Variants in PLEKHA6 observed in about 807,000 individuals in gnomAD.
The protein encoded by PLEKHA6 is pleckstrin homology domain containing A6.
PLEKHA6 carries 60 observed loss-of-function variants against 116.7 expected under a neutral mutation model. The observed-to-expected ratio is 0.51, with a 90% CI of 0.42 to 0.64. The LOEUF is 0.64. Ranked by LOEUF, PLEKHA6 falls within the 30% of genes least tolerant of loss-of-function variation. The pLI, the probability that PLEKHA6 is intolerant of heterozygous loss-of-function variation, is 0.00. For synonymous variants in PLEKHA6, 489 were observed against 556.1 expected (o/e 0.88, Z 1.70); for missense variants, 1,338 against 1,422.7 (o/e 0.94, Z 0.96).
rs186414997 is a variant in PLEKHA6, at chr1:204,305,031, T to C, written c.-94-30222A>G. On this transcript the variant is annotated intron_variant, in intron 1 of 22. Coordinates refer to ENST00000272203, the MANE Select transcript of PLEKHA6 (RefSeq NM_014935.5). ...GCCTGTTCAAATAATTCAGGGACAA[T>C]AGAGAAGAAGGCAATCTACTCCAAG... 3.3e-5 allele frequency among the ~76,000 whole-genome samples: 5 copies of C among 152,226 alleles called. No individual in the cohort carries two copies. The East Asian group carries it at 9.6e-4, about 29-fold the overall frequency.
intron 21 of PLEKHA6, among the ~76,000 whole-genome samples, chr1:204,225,673 T>C (rs1013306540): frequency 3.3e-5 from 5 of 152,236 alleles, no homozygotes; most frequent in African/African-American, 1.2e-4. Context: ...CTCACATACA[T>C]GTACATTTAT....
At chr1:204,252,616 T>G (rs1315737953) in intron 9 of PLEKHA6, among the ~76,000 whole-genome samples, 1 of 152,212 alleles carries the variant, frequency 6.6e-6, no homozygotes, top group Non-Finnish European at 1.5e-5. Context: ...CTGGGGTTTC[T>G]GTTCAGAGGG....
At chr1:204,305,909 C>T (rs1671253555) in intron 1 of PLEKHA6, among the ~76,000 whole-genome samples, 1 of 152,178 alleles carries the variant, frequency 6.6e-6, no homozygotes, top group Non-Finnish European at 1.5e-5. Context: ...TTTGCCCATC[C>T]CGCATCACCT....
At chr1:204,310,071 A>C (rs1572161321) in intron 1 of PLEKHA6, among the ~76,000 whole-genome samples, 2 of 152,018 alleles carry the variant, frequency 1.3e-5, no homozygotes, top group Admixed American at 1.3e-4. Context: ...TTCTTAGCTT[A>C]AGGGTCACGC....
intron 1 of PLEKHA6, among the ~76,000 whole-genome samples, chr1:204,324,938 G>A (rs2103243356): frequency 6.6e-6 from 1 of 152,128 alleles, no homozygotes; most frequent in Non-Finnish European, 1.5e-5. Context: ...TTATTTTTGA[G>A]ATGGGGTCTC....
At chr1:204,300,299 G>A (rs993348011) in intron 1 of PLEKHA6, among the ~76,000 whole-genome samples, 3 of 152,134 alleles carry the variant, frequency 2.0e-5, no homozygotes, top group African/African-American at 7.2e-5. Context: ...TCTCAAGACA[G>A]GTCCCCACTC....
intron 9 of PLEKHA6, among the ~76,000 whole-genome samples, chr1:204,256,164 G>C (rs1665258785): frequency 6.6e-6 from 1 of 152,122 alleles, no homozygotes; most frequent in South Asian, 2.1e-4. Context: ...TCCTGGTACT[G>C]TTATGGAAAT....
At chr1:204,297,938 C>T in intron 1 of PLEKHA6, 1 of 979,980 alleles carries the variant, frequency 1.0e-6, no homozygotes, top group South Asian at 4.7e-5. Context: ...TGTCCTCCCC[C>T]TACTCCTCAT....
At chr1:204,234,464 C>G (rs888778289) in intron 17 of PLEKHA6, among the ~76,000 whole-genome samples, 3 of 152,194 alleles carry the variant, frequency 2.0e-5, no homozygotes, top group Non-Finnish European at 2.9e-5. Flanking sequence ...TACCTTGGAT[C>G]AGCACATTTG....
chr1:204,325,899 G>T, intron 1 of PLEKHA6: 1 of 985,028 alleles, frequency 1.0e-6, no homozygotes, highest in East Asian at 1.1e-4. Flanking sequence ...CCATTTCCAG[G>T]CTGCCAAAGC....
chr1:204,270,793 G>A (rs1667365917), intron 3 of PLEKHA6, among the ~76,000 whole-genome samples: 2 of 152,234 alleles, frequency 1.3e-5, no homozygotes, highest in South Asian at 2.1e-4. Flanking sequence ...CAGAGGACAG[G>A]TTTGTGAGAT....
intron 1 of PLEKHA6, among the ~76,000 whole-genome samples, chr1:204,371,842 A>G (rs574105206): frequency 4.6e-4 from 70 of 152,354 alleles, no homozygotes; most frequent in Non-Finnish European, 7.9e-4. Flanking sequence ...TCCCACTGGG[A>G]AACAAATGCA....
chr1:204,307,965 T>C (rs1022313473), intron 1 of PLEKHA6: 1 of 854,848 alleles, frequency 1.2e-6, no homozygotes, highest in Non-Finnish European at 1.4e-6. Flanking sequence ...TTAGGGAATA[T>C]TCTCCTAAGG....
intron 3 of PLEKHA6, among the ~76,000 whole-genome samples, chr1:204,365,749 T>C (rs929876198): frequency 6.6e-6 from 1 of 152,176 alleles, no homozygotes; most frequent in African/African-American, 2.4e-5. Flanking sequence ...AAAAACACAA[T>C]AGCCAGAATC....
Position 204,354,869 on chromosome 1 carries a change from C to T in PLEKHA6, c.-95+4825G>A, listed in dbSNP as rs139310771. Reference sequence around the variant, plus strand: ...AATCAAGACAGGATGTGCACACGGCCGTGCAGGGGCGCGGACAGGGGCTGC... The same window carrying T: ...AATCAAGACAGGATGTGCACACGGCTGTGCAGGGGCGCGGACAGGGGCTGC... On this transcript the variant is annotated intron_variant, in intron 1 of 22. Coordinates refer to ENST00000272203, the MANE Select transcript of PLEKHA6 (RefSeq NM_014935.5). Among the ~76,000 whole-genome samples, 431 of 152,358 alleles carry T rather than the reference C, an allele frequency of 2.8e-3. 5 individuals carry two copies. The highest frequency in any genetic ancestry group is 9.3e-3 in the African/African-American group (387 of 41,580).
intron 1 of PLEKHA6, among the ~76,000 whole-genome samples, chr1:204,310,461 C>A (rs1379083192): frequency 6.6e-6 from 1 of 152,174 alleles, no homozygotes; most frequent in Non-Finnish European, 1.5e-5. Flanking sequence ...CCCAGTTCAC[C>A]AAAGTACCTC....
chr1:204,328,235 C>T (rs974482213), intron 1 of PLEKHA6, among the ~76,000 whole-genome samples: 3 of 150,564 alleles, frequency 2.0e-5, no homozygotes, highest in Non-Finnish European at 3.0e-5. Flanking sequence ...GGCATGCACC[C>T]CCACGCCCAG....
chr1:204,230,686 T>C, intron 17 of PLEKHA6, 100 bp from the exon 18 acceptor site: 3 of 1,000,636 alleles, frequency 3.0e-6, no homozygotes, highest in Non-Finnish European at 4.4e-6. Context: ...GAAGTCTGCC[T>C]GTAGTGGACT....
chr1:204,265,068 G>GGTGT (rs5780223), intron 5 of PLEKHA6, 26 bp from the exon 6 acceptor site: 16,126 of 1,303,982 alleles, frequency 0.012, 98 homozygotes, highest in African/African-American at 0.047. Context: ...GCACAAGAAG[G>GGTGT]GTGTGTGTGT....
Sources: gnomAD v4.1 joint callset for allele counts (sites outside exome capture counted in the v4.1 genomes callset) on GRCh38, gnomAD v4.1.1 for gene constraint, MANE v1.5 for transcripts, NCBI Gene and HGNC (gene_info 2026-07-23, HGNC 2026-07-21) for gene names.